TRAF3: variants seen among roughly 807,000 people sequenced by gnomAD.
The protein encoded by TRAF3 is TNF receptor-associated factor 3.
TRAF3 carries 13 observed loss-of-function variants against 62.3 expected under a neutral mutation model. That is an observed-to-expected ratio of 0.21 (90% CI 0.14 to 0.33). TRAF3 has a LOEUF of 0.33. Among genes scored for constraint, TRAF3 ranks in the 10% least tolerant of loss-of-function variants. TRAF3 has a pLI of 1.00. For missense variants in TRAF3, 440 were observed against 741.8 expected (o/e 0.59, Z 4.73); for synonymous variants, 269 against 283.4 (o/e 0.95, Z 0.51).
chr14:102,876,590 C>G lies in TRAF3; in HGVS notation c.570+65C>G, dbSNP rs564323232. 7.0e-6 allele frequency: 11 copies of G among 1,578,278 alleles called. No individual in the cohort carries two copies. The Admixed American group carries it at 2.0e-4, about 28-fold the overall frequency. On this transcript the variant is annotated intron_variant, in intron 6 of 11. Transcript: ENST00000392745. ...CTATATGATACATTCCACAGGCCTT[C>G]CGCTCAATTCGTAGATAATCCGTTC...
chr14:102,784,578 ACTTT>A (rs1233808582), intron 1 of TRAF3, among the ~76,000 whole-genome samples: 1 of 152,124 alleles, frequency 6.6e-6, no homozygotes, highest in Non-Finnish European at 1.5e-5. Flanking sequence ...AATCACCCAC[ACTTT>A]CTTTGAGAAC....
At chr14:102,789,589 G>A (rs564174784) in intron 1 of TRAF3, among the ~76,000 whole-genome samples, 1 of 115,340 alleles carries the variant, frequency 8.7e-6, no homozygotes, top group African/African-American at 3.6e-5. Context: ...ACTACAAAAG[G>A]ATATATGTGT....
rs35895214 is a variant in TRAF3, at chr14:102,792,113, C to CTTTTTTTTTTTTTTTTT, written c.-157+14449_-157+14465dup. On this transcript the variant is annotated intron_variant, in intron 1 of 11. Transcript: ENST00000392745. ...ACAGGTGCGAGCCACTGTGCCTGGA[C>CTTTTTTTTTTTTTTTTT]TTTTTTTTTTTTTTTTTTTTTTTTT... Among the ~76,000 whole-genome samples the CTTTTTTTTTTTTTTTTT allele has an allele frequency of 1.4e-4, 14 of 97,702 alleles. 7 individuals are homozygous for CTTTTTTTTTTTTTTTTT. The highest frequency in any genetic ancestry group is 4.4e-4 in the Admixed American group (4 of 9,054). The allele number at this position is 97,702 out of a possible 152,430, so 64.1% of individuals were successfully genotyped here. A position where few individuals can be genotyped will look rare whatever the true frequency, so the allele number is the denominator to read the frequency against.
intron 1 of TRAF3, among the ~76,000 whole-genome samples, chr14:102,783,297 C>T (rs2140057874): frequency 6.6e-6 from 1 of 152,264 alleles, no homozygotes; most frequent in Non-Finnish European, 1.5e-5. Context: ...ATGCTTAGCT[C>T]CAGGATTTGT....
chr14:102,817,267 A>G (rs985576412), intron 1 of TRAF3, among the ~76,000 whole-genome samples: 3 of 152,152 alleles, frequency 2.0e-5, no homozygotes, highest in Non-Finnish European at 4.4e-5. Context: ...TGACCACTGG[A>G]TTTTGCAACT....
intron 2 of TRAF3, among the ~76,000 whole-genome samples, chr14:102,845,808 G>T (rs8021860): frequency 0.23 from 35,546 of 151,274 alleles, 4,622 homozygotes; most frequent in East Asian, 0.39. Context: ...GAGCCACTGC[G>T]CCCAGCCAAA....
At chr14:102,854,332 G>A (rs1358993994) in intron 2 of TRAF3, among the ~76,000 whole-genome samples, 1 of 152,168 alleles carries the variant, frequency 6.6e-6, no homozygotes, top group African/African-American at 2.4e-5. Flanking sequence ...CGGTAATTCT[G>A]TGTTTAACTT....
chr14:102,881,034 A>C (rs942578562), intron 6 of TRAF3, among the ~76,000 whole-genome samples: 1 of 152,130 alleles, frequency 6.6e-6, no homozygotes, highest in East Asian at 1.9e-4. Flanking sequence ...CGTAGGTTGC[A>C]GTGACCCAAG....
At chr14:102,789,465 AT>A (rs548885900) in intron 1 of TRAF3, among the ~76,000 whole-genome samples, 181 of 102,824 alleles carry the variant, frequency 1.8e-3, no homozygotes, top group African/African-American at 4.1e-3. Flanking sequence ...TGCTAAATTT[AT>A]TTTTTTTGTT....
At chr14:102,861,479 A>G (rs936567378) in intron 2 of TRAF3, among the ~76,000 whole-genome samples, 2 of 152,126 alleles carry the variant, frequency 1.3e-5, no homozygotes, top group African/African-American at 2.4e-5. Context: ...GAGAGACTCT[A>G]ACTCTCCTAA....
chr14:102,800,847 C>T (rs967422141), intron 1 of TRAF3, among the ~76,000 whole-genome samples: 5 of 151,968 alleles, frequency 3.3e-5, no homozygotes, highest in Non-Finnish European at 1.5e-5. Context: ...AGGCTTGTGC[C>T]GCCACACCCA....
At chr14:102,897,547 T>C in intron 10 of TRAF3, 146 bp downstream of exon 10, 1 of 1,138,442 alleles carries the variant, frequency 8.8e-7, no homozygotes, top group Non-Finnish European at 1.3e-6. Flanking sequence ...AAGTGAAGGC[T>C]TAGAAAAGGC....
At chr14:102,900,250 C>T (rs1890222485) in intron 10 of TRAF3, among the ~76,000 whole-genome samples, 1 of 148,394 alleles carries the variant, frequency 6.7e-6, no homozygotes, top group African/African-American at 2.5e-5. Flanking sequence ...CACCCATATT[C>T]CCAGCACTTT....
chr14:102,889,949 C>T (rs550219290), intron 8 of TRAF3, among the ~76,000 whole-genome samples: 34 of 152,300 alleles, frequency 2.2e-4, no homozygotes, highest in Middle Eastern at 3.4e-3. Context: ...TAGATTGTTA[C>T]GGAAATTTTA....
chr14:102,866,820 G>A lies in TRAF3; in HGVS notation c.-17-3365G>A, dbSNP rs147516031. Reference sequence around the variant, plus strand: ...TGATGGCACCACTATACTCCAGCCTGGGCAACAGAACGAGACTCCATCTCT... The same window carrying A: ...TGATGGCACCACTATACTCCAGCCTAGGCAACAGAACGAGACTCCATCTCT... On this transcript the variant is annotated intron_variant, in intron 2 of 11. Coordinates refer to ENST00000392745, the MANE Select transcript of TRAF3 (RefSeq NM_145725.3). Among the ~76,000 whole-genome samples the A allele has an allele frequency of 4.0e-3, 599 of 150,872 alleles. 8 individuals carry two copies. The highest frequency in any genetic ancestry group is 0.014 in the African/African-American group (557 of 41,000).
chr14:102,908,751 G>A lies in TRAF3; in HGVS notation c.*2967G>A, dbSNP rs1180290935. 2 of 152,318 alleles carry A rather than the reference G, an allele frequency of 1.3e-5. No individual in the cohort carries two copies. Among genetic ancestry groups the A allele is most frequent in the African/African-American group, 4.8e-5 (2 of 41,434 alleles). 9.4% of individuals were successfully genotyped at this position (152,318 alleles called of 1,614,324 possible). A position where few individuals can be genotyped will look rare whatever the true frequency, so the allele number is the denominator to read the frequency against. On this transcript the variant is annotated 3_prime_UTR_variant, in exon 12 of 12. Transcript: ENST00000392745. ...AGTCGTTTGTGCATGAATTAAGCCG[G>A]TCTGCTTCCCCGTCACCTTCGTAAC...
chr14:102,866,411 T>C (rs901766829), intron 2 of TRAF3, among the ~76,000 whole-genome samples: 3 of 151,990 alleles, frequency 2.0e-5, no homozygotes, highest in Admixed American at 6.6e-5. Flanking sequence ...ACTTAAAGTA[T>C]AATAATTTAA....
chr14:102,846,701 A>G (rs1369006024), intron 2 of TRAF3, among the ~76,000 whole-genome samples: 1 of 150,572 alleles, frequency 6.6e-6, no homozygotes, highest in Non-Finnish European at 1.5e-5. Context: ...CTGTGGTCCC[A>G]GCTACTTGGG....
rs1463856251 is a variant in TRAF3, at chr14:102,810,261, G to A, written c.-156-20073G>A. Among the ~76,000 whole-genome samples, 15 of 152,146 alleles carry A rather than the reference G, an allele frequency of 9.9e-5. 1 individual carries two copies. The highest frequency in any genetic ancestry group is 9.8e-4 in the Admixed American group (15 of 15,270). On this transcript the variant is annotated intron_variant, in intron 1 of 11. Coordinates refer to ENST00000392745, the MANE Select transcript of TRAF3 (RefSeq NM_145725.3). ...TTGAGGGGATTTGGGTGAGGATGGGGCGGTGCAGTGGGAGAGAGAGTATAG... is the reference window on the plus strand; with the variant it reads ...TTGAGGGGATTTGGGTGAGGATGGGACGGTGCAGTGGGAGAGAGAGTATAG...
Sources: gnomAD v4.1 joint callset for allele counts (sites outside exome capture counted in the v4.1 genomes callset) on GRCh38, gnomAD v4.1.1 for gene constraint, MANE v1.5 for transcripts, NCBI Gene and HGNC (gene_info 2026-07-23, HGNC 2026-07-21) for gene names.